The following CDC42BPA variants were observed in gnomAD, a reference collection of about 807,000 sequenced individuals.
CDC42BPA encodes serine/threonine-protein kinase MRCK alpha.
In CDC42BPA, 80 loss-of-function variants were observed where a neutral mutation model predicts 223.5. That is an observed-to-expected ratio of 0.36 (90% CI 0.30 to 0.43). CDC42BPA has a LOEUF of 0.43. Ranked by LOEUF, CDC42BPA falls within the 20% of genes least tolerant of loss-of-function variation. CDC42BPA has a pLI of 1.00. For missense variants in CDC42BPA, 1,743 were observed against 2,099.9 expected, an observed-to-expected ratio of 0.83 and a Z score of 3.32; for synonymous variants, 694 against 718.6, an observed-to-expected ratio of 0.97 and a Z score of 0.55.
intron 5 of CDC42BPA, among the ~76,000 whole-genome samples, chr1:227,191,970 A>T (rs796241684): frequency 3.4e-3 from 11 of 3,194 alleles, no homozygotes; most frequent in African/African-American, 0.01. Flanking sequence ...AATTTAAATT[A>T]AAAAAAAAAA....
intron 2 of CDC42BPA, among the ~76,000 whole-genome samples, chr1:227,222,984 T>C (rs1676208616): frequency 6.6e-6 from 1 of 151,782 alleles, no homozygotes; most frequent in Non-Finnish European, 1.5e-5. Flanking sequence ...ACCTAAACAG[T>C]AGTACACAGA....
chr1:227,205,502 T>C (rs1672565753), intron 3 of CDC42BPA, among the ~76,000 whole-genome samples: 1 of 139,012 alleles, frequency 7.2e-6, no homozygotes, highest in East Asian at 2.1e-4. Flanking sequence ...CCCTTACTAA[T>C]GATCTACTTA....
At chr1:227,043,151 T>C (rs919848742) in intron 23 of CDC42BPA, among the ~76,000 whole-genome samples, 1 of 152,144 alleles carries the variant, frequency 6.6e-6, no homozygotes, top group Admixed American at 6.5e-5. Context: ...CGGTACCTTA[T>C]GCCCGTAATC....
chr1:227,275,608 C>T (rs1011051947), intron 1 of CDC42BPA, among the ~76,000 whole-genome samples: 2 of 151,474 alleles, frequency 1.3e-5, no homozygotes, highest in African/African-American at 4.9e-5. Context: ...CCCCTCTCCC[C>T]CTCCCCACGG....
chr1:227,160,661 T>C (rs1339143594), intron 5 of CDC42BPA, 25 bp from the exon 6 acceptor site: 1 of 1,253,868 alleles, frequency 8.0e-7, no homozygotes, highest in Non-Finnish European at 1.1e-6. Context: ...AAATTCAATT[T>C]TTAGTGGAAA....
At chr1:227,225,791 TG>T (rs1171687033) in intron 2 of CDC42BPA, among the ~76,000 whole-genome samples, 1 of 72,268 alleles carries the variant, frequency 1.4e-5, no homozygotes, top group African/African-American at 5.8e-5. Context: ...GGAATACCTC[TG>T]ATTTCCTTGA....
At chr1:227,121,664 C>A (rs1688683183) in intron 11 of CDC42BPA, among the ~76,000 whole-genome samples, 1 of 152,082 alleles carries the variant, frequency 6.6e-6, no homozygotes, top group South Asian at 2.1e-4. Context: ...ATTCAGAAAA[C>A]TGTATTTTAT....
intron 6 of CDC42BPA, among the ~76,000 whole-genome samples, chr1:227,155,315 A>AT (rs1662534281): frequency 6.6e-6 from 1 of 152,212 alleles, no homozygotes; most frequent in African/African-American, 2.4e-5. Context: ...CTAAGAGGAA[A>AT]ATAGTTTCAA....
chr1:227,210,506 A>C (rs930671616), intron 3 of CDC42BPA, among the ~76,000 whole-genome samples: 2 of 152,200 alleles, frequency 1.3e-5, no homozygotes, highest in Admixed American at 1.3e-4. Context: ...CTTGTCTCAG[A>C]AACAGAATAT....
chr1:226,994,137 T>A lies in CDC42BPA; in HGVS notation c.*131A>T, dbSNP rs3795449. 1 of 791,330 alleles carries A rather than the reference T, an allele frequency of 1.3e-6. No individual in the cohort carries two copies. The highest frequency in any genetic ancestry group is 2.0e-6 in the Non-Finnish European group (1 of 504,890). 49.0% of individuals were successfully genotyped at this position (791,330 alleles called of 1,614,324 possible). ...GAGTCGTGTCGTCAGAACTCCTGAA[T>A]CCCTGTCCTGCTACTGCTGCCAGCC... On this transcript the variant is annotated 3_prime_UTR_variant, in exon 37 of 37. Coordinates refer to ENST00000366766, the MANE Select transcript of CDC42BPA (RefSeq NM_001394014.1). The surrounding 1 kb of genome is among the most constrained non-coding windows in gnomAD (Gnocchi z 4.0).
In CDC42BPA at chr1:227,072,338, T is replaced by G. The variant is rs75883496; in HGVS notation, c.2736-39A>C. On this transcript the variant is annotated intron_variant, in intron 19 of 36. Transcript: ENST00000366766. ...AAAAAAGGAAAAATGTCATTAATTT[T>G]TATTGCTGGTTAGTGAGCCATCTTG... 1,295 of 1,233,690 alleles carry G rather than the reference T, an allele frequency of 1.0e-3. 11 individuals carry two copies. The East Asian group carries it at 0.021, about 20-fold the overall frequency. The allele number at this position is 1,233,690 out of a possible 1,614,324, so 76.4% of individuals were successfully genotyped here.
chr1:227,029,106 T>C lies in CDC42BPA; in HGVS notation c.3983A>G (p.Tyr1328Cys). ...ACACCCTTTAGTTTCTGACAGCTTG[T>C]AAAAATCGGTCTCTCGCCCATCCAA... is the stretch of plus-strand genomic sequence containing the variant. Reference protein sequence around the residue: ...SALDGRETDFYKLSETKGCQT... With the variant: ...SALDGRETDFCKLSETKGCQT... Residue 1328 changes from tyrosine to cysteine, a missense_variant, in exon 30 of 37, where the codon TAC becomes TGC. By Grantham distance (194) the Tyr-to-Cys change is radical. Around this residue, in one of 6 missense-constraint regions of CDC42BPA, gnomAD observed 678 missense variants for 777.5 expected, o/e 0.87. Transcript: ENST00000366766. 6.2e-7 allele frequency: 1 copy of C among 1,613,154 alleles called. No individual in the cohort carries two copies. Among genetic ancestry groups the C allele is most frequent in the Non-Finnish European group, 8.5e-7 (1 of 1,180,008 alleles).
chr1:227,073,448 A>G (rs1394864234), intron 19 of CDC42BPA, among the ~76,000 whole-genome samples: 1 of 152,158 alleles, frequency 6.6e-6, no homozygotes, highest in East Asian at 1.9e-4. Flanking sequence ...TTTGCCATCA[A>G]TAGAATTTTC....
chr1:227,073,917 C>T lies in CDC42BPA; in HGVS notation c.2682G>A (p.Gln894=). The T allele has an allele frequency of 1.2e-6, 2 of 1,610,774 alleles. No individual in the cohort carries two copies. The highest frequency in any genetic ancestry group is 1.3e-5 in the African/African-American group (1 of 74,832). The change falls in exon 19 of 37, where the codon CAG becomes CAA. Residue 894 remains glutamine (Q), a synonymous_variant. Transcript: ENST00000366766. The stretch of plus-strand genomic sequence containing the variant: ...CTTTATTCAACTCTTCTTGGATGGC[C>T]TGTTTGGCTCTTATTTCTGCATCCA... ...SALDAEIRAK[Q]AIQEELNKVK...
chr1:227,162,453 A>C (rs1664085317), intron 5 of CDC42BPA, among the ~76,000 whole-genome samples: 1 of 152,176 alleles, frequency 6.6e-6, no homozygotes, highest in African/African-American at 2.4e-5. Flanking sequence ...TCATAAAACT[A>C]TGTACTTTTT....
intron 8 of CDC42BPA, among the ~76,000 whole-genome samples, chr1:227,143,835 T>C (rs1182222171): frequency 6.6e-6 from 1 of 152,200 alleles, no homozygotes; most frequent in African/African-American, 2.4e-5. Context: ...AATGGTTCAA[T>C]ATTAGCTAAC....
At chr1:227,244,223 A>C (rs1257950736) in intron 2 of CDC42BPA, among the ~76,000 whole-genome samples, 1 of 152,226 alleles carries the variant, frequency 6.6e-6, no homozygotes, top group Admixed American at 6.5e-5. Flanking sequence ...TATGCACAAA[A>C]ATGTTTCTAA....
chr1:227,190,409 A>G (rs1158460903), intron 5 of CDC42BPA, among the ~76,000 whole-genome samples: 5 of 152,230 alleles, frequency 3.3e-5, no homozygotes, highest in Non-Finnish European at 7.3e-5. Context: ...GTTAGAATAC[A>G]GTGAATAGCA....
At chr1:227,235,962 C>T (rs1678935777) in intron 2 of CDC42BPA, among the ~76,000 whole-genome samples, 1 of 152,164 alleles carries the variant, frequency 6.6e-6, no homozygotes, top group African/African-American at 2.4e-5. Context: ...TGGTAAGTAG[C>T]TTTTTAAATG....
Sources: gnomAD v4.1 joint callset for allele counts (sites outside exome capture counted in the v4.1 genomes callset) on GRCh38, gnomAD v4.1.1 for gene constraint, gnomAD v4.1.1 regional missense constraint, Gnocchi (gnomAD v3.1) non-coding constraint, MANE v1.5 for transcripts, NCBI Gene and HGNC (gene_info 2026-07-23, HGNC 2026-07-21) for gene names.